RUNDC3B: variants seen among roughly 807,000 people sequenced by gnomAD.
The protein encoded by RUNDC3B is RUN domain-containing protein 3B.
Under a neutral mutation model 58.4 loss-of-function variants are expected in RUNDC3B, and 33 were observed. That is an observed-to-expected ratio of 0.56 (90% CI 0.43 to 0.75). The LOEUF is 0.75. Ranked by LOEUF, RUNDC3B falls within the 30% of genes least tolerant of loss-of-function variation. The probability of loss-of-function intolerance (pLI) is 0.00; values close to 1 mark genes in which losing one functional copy is unlikely to be tolerated. For missense variants in RUNDC3B, 501 were observed against 535.7 expected (o/e 0.94, Z 0.64); for synonymous variants, 193 against 195.2 (o/e 0.99, Z 0.10).
intron 2 of RUNDC3B, among the ~76,000 whole-genome samples, chr7:87,665,992 T>C (rs978944135): frequency 1.1e-4 from 16 of 152,146 alleles, no homozygotes; most frequent in African/African-American, 3.6e-4. Flanking sequence ...TTCCTCTGGG[T>C]ATATACCCGG....
At chr7:87,722,048 C>G (rs1202398405) in intron 4 of RUNDC3B, among the ~76,000 whole-genome samples, 1 of 151,916 alleles carries the variant, frequency 6.6e-6, no homozygotes, top group Non-Finnish European at 1.5e-5. Flanking sequence ...TTCATCAACA[C>G]AGCAATAATA....
At chr7:87,727,211 AT>A (rs1223489220) in intron 4 of RUNDC3B, among the ~76,000 whole-genome samples, 1 of 152,122 alleles carries the variant, frequency 6.6e-6, no homozygotes, top group Admixed American at 6.6e-5. Flanking sequence ...TCAGTATGAT[AT>A]TCGCTGTGGG....
chr7:87,702,796 T>C (rs1378892273), intron 3 of RUNDC3B, among the ~76,000 whole-genome samples: 1 of 152,148 alleles, frequency 6.6e-6, no homozygotes, highest in Non-Finnish European at 1.5e-5. Context: ...AGCATCACCA[T>C]GATGTTCAAA....
At chr7:87,647,421 G>C (rs140693100) in intron 1 of RUNDC3B, among the ~76,000 whole-genome samples, 1 of 152,204 alleles carries the variant, frequency 6.6e-6, no homozygotes, top group East Asian at 1.9e-4. Flanking sequence ...GAATGCAAAA[G>C]CAGTAATATA....
At chr7:87,779,001 T>C (rs1178109021) in intron 8 of RUNDC3B, among the ~76,000 whole-genome samples, 1 of 152,198 alleles carries the variant, frequency 6.6e-6, no homozygotes, top group Admixed American at 6.5e-5. Flanking sequence ...ATTTGCCTTA[T>C]AATTCTCTCC....
rs116964768 is a variant in RUNDC3B, at chr7:87,732,430, G to A, written c.459-7361G>A. On this transcript the variant is annotated intron_variant, in intron 4 of 10. Coordinates refer to ENST00000394654, the MANE Select transcript of RUNDC3B (RefSeq NM_001134405.2). ...AAAAGAGGGGAGAGTCGGAAAAAGC[G>A]TACTTGGAGACCTTACCTTCAAGAC... is the stretch of plus-strand genomic sequence containing the variant. Among the ~76,000 whole-genome samples, 467 of 152,212 alleles carry A rather than the reference G, an allele frequency of 3.1e-3. 2 individuals are homozygous for A. The highest frequency in any genetic ancestry group is 0.022 in the East Asian group (116 of 5,180).
intron 4 of RUNDC3B, among the ~76,000 whole-genome samples, chr7:87,733,336 A>G (rs1350376567): frequency 1.3e-5 from 2 of 152,142 alleles, no homozygotes; most frequent in Non-Finnish European, 2.9e-5. Flanking sequence ...TCTTTACACA[A>G]TCCTGCATGG....
At chr7:87,666,490 T>G (rs2130487531) in intron 2 of RUNDC3B, among the ~76,000 whole-genome samples, 1 of 152,332 alleles carries the variant, frequency 6.6e-6, no homozygotes, top group Middle Eastern at 3.4e-3. Flanking sequence ...GCTCTTAAGT[T>G]TAATTAGATC....
chr7:87,751,308 T>C (rs1315004090), intron 6 of RUNDC3B, among the ~76,000 whole-genome samples: 1 of 152,150 alleles, frequency 6.6e-6, no homozygotes, highest in Non-Finnish European at 1.5e-5. Flanking sequence ...TGAAGTCAGG[T>C]AGTGTGATGC....
At chr7:87,669,846 G>A (rs1825656581) in intron 2 of RUNDC3B, among the ~76,000 whole-genome samples, 2 of 152,286 alleles carry the variant, frequency 1.3e-5, no homozygotes, top group South Asian at 4.1e-4. Context: ...TCCACTGTTA[G>A]CCTAATGGAG....
intron 2 of RUNDC3B, among the ~76,000 whole-genome samples, chr7:87,659,681 C>T (rs1023841491): frequency 4.6e-5 from 7 of 152,016 alleles, no homozygotes; most frequent in East Asian, 1.9e-4. Flanking sequence ...GCACACAGTC[C>T]GGGGTATAAG....
intron 1 of RUNDC3B, among the ~76,000 whole-genome samples, chr7:87,643,928 G>A (rs887769625): frequency 4.6e-5 from 7 of 151,618 alleles, no homozygotes; most frequent in South Asian, 2.1e-4. Context: ...GCACCATCTC[G>A]GCTCACTGCA....
intron 8 of RUNDC3B, among the ~76,000 whole-genome samples, chr7:87,800,967 A>G (rs1318441142): frequency 1.3e-5 from 2 of 152,172 alleles, no homozygotes; most frequent in African/African-American, 4.8e-5. Flanking sequence ...TACACCTTAT[A>G]CACATAAGTC....
chr7:87,693,063 A>G (rs1828159011), intron 2 of RUNDC3B, among the ~76,000 whole-genome samples: 1 of 152,160 alleles, frequency 6.6e-6, no homozygotes, highest in South Asian at 2.1e-4. Flanking sequence ...GTGTGGGACC[A>G]TGTACTATTG....
chr7:87,806,741 A>G (rs1225334928), intron 8 of RUNDC3B, among the ~76,000 whole-genome samples: 1 of 152,216 alleles, frequency 6.6e-6, no homozygotes, highest in African/African-American at 2.4e-5. Context: ...ACAGTGTTTT[A>G]TACTGCTCAG....
intron 1 of RUNDC3B, among the ~76,000 whole-genome samples, chr7:87,639,372 A>G (rs565228460): frequency 1.3e-5 from 2 of 152,232 alleles, no homozygotes; most frequent in Admixed American, 1.3e-4. Flanking sequence ...GTATTCTGTC[A>G]TTGTTGATTG....
In RUNDC3B at chr7:87,816,045, C is replaced by CAGAA. The variant is rs1278351351; in HGVS notation, c.1104-94_1104-91dup. The CAGAA allele has an allele frequency of 4.7e-6, 4 of 859,574 alleles. No homozygotes were observed. The East Asian group carries it at 1.1e-4, about 23-fold the overall frequency. The allele number at this position is 859,574 out of a possible 1,614,324, so 53.2% of individuals were successfully genotyped here. A position where few individuals can be genotyped will look rare whatever the true frequency, so the allele number is the denominator to read the frequency against. ...GAGAAATGCTGGGGAGAATTTTAAC[C>CAGAA]AGAAATTTAACATATTGAAAACCAT... On this transcript the variant is annotated intron_variant, in intron 9 of 10. Coordinates refer to ENST00000394654, the MANE Select transcript of RUNDC3B (RefSeq NM_001134405.2).
intron 4 of RUNDC3B, among the ~76,000 whole-genome samples, chr7:87,711,727 ACATTT>A (rs944665865): frequency 5.3e-5 from 8 of 152,206 alleles, no homozygotes; most frequent in African/African-American, 1.9e-4. Flanking sequence ...GTGCTGTATC[ACATTT>A]CAGATGTCCC....
chr7:87,658,364 T>C (rs1300318923), intron 2 of RUNDC3B, among the ~76,000 whole-genome samples: 4 of 152,104 alleles, frequency 2.6e-5, no homozygotes, highest in African/African-American at 4.8e-5. Flanking sequence ...AGAGAGAAAT[T>C]AGACTTGTTA....
Sources: allele counts gnomAD v4.1 joint callset (sites outside exome capture counted in the v4.1 genomes callset), GRCh38; gene constraint gnomAD v4.1.1; transcripts MANE v1.5; gene names NCBI Gene and HGNC (gene_info 2026-07-23, HGNC 2026-07-21).